Variants in TMEM131L observed in about 807,000 individuals in gnomAD.
TMEM131L encodes transmembrane protein 131-like.
In TMEM131L, 54 loss-of-function variants were observed where a neutral mutation model predicts 192.2. The observed-to-expected ratio is 0.28, with a 90% CI of 0.23 to 0.35. The LOEUF is 0.35. Among genes scored for constraint, TMEM131L ranks in the 10% least tolerant of loss-of-function variants. The pLI is 1.00. For missense variants in TMEM131L, 1,888 were observed against 1,972.9 expected (o/e 0.96, Z 0.82); for synonymous variants, 701 against 704.9 (o/e 0.99, Z 0.09).
Position 153,555,287 on chromosome 4 carries a change from A to G in TMEM131L, c.309-500A>G, listed in dbSNP as rs1737905135. 6.6e-6 allele frequency among the ~76,000 whole-genome samples: 1 copy of G among 152,238 alleles called. No individual in the cohort carries two copies. The highest frequency in any genetic ancestry group is 1.5e-5 in the Non-Finnish European group (1 of 68,042). Reference sequence around the variant, plus strand: ...AAAAAGTCTCTTTTACTCAGAAAACATAACCCTAAGAAAAATTGGGTTTTT... The same window carrying G: ...AAAAAGTCTCTTTTACTCAGAAAACGTAACCCTAAGAAAAATTGGGTTTTT... On this transcript the variant is annotated intron_variant, in intron 4 of 34. Transcript: ENST00000409959. The surrounding 1 kb of genome is among the most constrained non-coding windows in gnomAD (Gnocchi z 4.1).
chr4:153,572,326 T>G (rs1729642567), intron 7 of TMEM131L, among the ~76,000 whole-genome samples: 1 of 152,062 alleles, frequency 6.6e-6, no homozygotes, highest in African/African-American at 2.4e-5. Flanking sequence ...GGTTATTTCT[T>G]TTTTGTTTTG....
chr4:153,546,971 G>A (rs1199944591), intron 3 of TMEM131L, among the ~76,000 whole-genome samples: 1 of 152,128 alleles, frequency 6.6e-6, no homozygotes, highest in East Asian at 1.9e-4. Flanking sequence ...GCATGTGTAA[G>A]TACTCTCCAG....
intron 3 of TMEM131L, among the ~76,000 whole-genome samples, chr4:153,533,430 C>G (rs917882049): frequency 2.0e-5 from 3 of 152,192 alleles, no homozygotes; most frequent in African/African-American, 7.2e-5. Flanking sequence ...CTCAGTTTGC[C>G]TGTATTTTGT....
intron 3 of TMEM131L, among the ~76,000 whole-genome samples, chr4:153,509,135 A>G (rs1465324165): frequency 1.3e-5 from 2 of 151,914 alleles, no homozygotes; most frequent in African/African-American, 2.4e-5. Context: ...ACTTGAGGCC[A>G]GGAGCTCAAG....
chr4:153,583,720 T>C, intron 11 of TMEM131L, 48 bp downstream of exon 11: 1 of 1,063,500 alleles, frequency 9.4e-7, no homozygotes, highest in Non-Finnish European at 1.4e-6. Context: ...TATCTGGTTG[T>C]CATGATGGCA....
In TMEM131L at chr4:153,627,640, C is replaced by A; in HGVS notation, c.4160C>A (p.Ser1387Tyr). The A allele has an allele frequency of 1.2e-6, 2 of 1,614,124 alleles. No homozygotes were observed. Among genetic ancestry groups the A allele is most frequent in the Non-Finnish European group, 1.7e-6 (2 of 1,179,982 alleles). ...AGTCTCCCACAATACGCAGAGCCTT[C>A]CTGTCCCAGCCTTCCTGCCGGGCCC... Reference protein sequence around the residue: ...VNSLPQYAEPSCPSLPAGPTG... With the variant: ...VNSLPQYAEPYCPSLPAGPTG... The change falls in exon 31 of 35, where the codon TCC (serine) becomes TAC (tyrosine). Residue 1387 changes from serine (S) to tyrosine (Y), a missense_variant. By Grantham distance (144) the Ser-to-Tyr change is moderately radical. Transcript: ENST00000409959.
chr4:153,584,387 G>A (rs1730564644), intron 11 of TMEM131L, among the ~76,000 whole-genome samples: 1 of 151,498 alleles, frequency 6.6e-6, no homozygotes, highest in Non-Finnish European at 1.5e-5. Flanking sequence ...AAAAAAGTTG[G>A]TTATTAGCAT....
chr4:153,585,630 C>T lies in TMEM131L; in HGVS notation c.1311+19C>T. 6.4e-7 allele frequency: 1 copy of T among 1,556,488 alleles called. No individual in the cohort carries two copies. Among genetic ancestry groups the T allele is most frequent in the South Asian group, 1.2e-5 (1 of 81,604 alleles). ...GTTAAAGGTACATATAGTATTTTTT[C>T]CCCAAGTTTTAGCTTATTTTAAGCT... On this transcript the variant is annotated intron_variant, in intron 13 of 34. Coordinates refer to ENST00000409959, the MANE Select transcript of TMEM131L (RefSeq NM_001131007.2).
intron 3 of TMEM131L, among the ~76,000 whole-genome samples, chr4:153,547,556 C>T (rs1207356366): frequency 6.6e-6 from 1 of 152,204 alleles, no homozygotes. Flanking sequence ...TTTATCTCAT[C>T]CTATTATTTC....
At chr4:153,633,878 T>C (rs1403161949) in intron 32 of TMEM131L, among the ~76,000 whole-genome samples, 1 of 152,220 alleles carries the variant, frequency 6.6e-6, no homozygotes, top group Non-Finnish European at 1.5e-5. Flanking sequence ...CAAAGACACT[T>C]AAAGGTATTC....
At chr4:153,472,941 G>A (rs911985057) in intron 2 of TMEM131L, among the ~76,000 whole-genome samples, 24 of 152,252 alleles carry the variant, frequency 1.6e-4, no homozygotes, top group African/African-American at 5.8e-4. Context: ...GTCAGCTAAG[G>A]CTTAGGGACA....
At chr4:153,486,441 C>G (rs1732335241) in intron 3 of TMEM131L, among the ~76,000 whole-genome samples, 1 of 152,210 alleles carries the variant, frequency 6.6e-6, no homozygotes, top group African/African-American at 2.4e-5. Flanking sequence ...TAACAAAACC[C>G]TGACTCAACC....
intron 7 of TMEM131L, among the ~76,000 whole-genome samples, chr4:153,570,946 G>C (rs1729546960): frequency 6.6e-6 from 1 of 152,108 alleles, no homozygotes; most frequent in African/African-American, 2.4e-5. Context: ...GTTCCCCCAG[G>C]ACTTGCTTGT....
chr4:153,506,959 C>T (rs1489745994), intron 3 of TMEM131L, among the ~76,000 whole-genome samples: 1 of 152,084 alleles, frequency 6.6e-6, no homozygotes, highest in Non-Finnish European at 1.5e-5. Flanking sequence ...CCCCTGTAAC[C>T]ATAGCTGAAA....
At chr4:153,607,194 C>A (rs1182883473) in intron 25 of TMEM131L, among the ~76,000 whole-genome samples, 2 of 152,020 alleles carry the variant, frequency 1.3e-5, no homozygotes, top group Admixed American at 1.3e-4. Flanking sequence ...GAAAGCATTG[C>A]AATAACTTGG....
Position 153,621,825 on chromosome 4 carries a change from T to C in TMEM131L, c.3835T>C (p.Leu1279=). 6.2e-7 allele frequency: 1 copy of C among 1,614,128 alleles called. No homozygotes were observed. The highest frequency in any genetic ancestry group is 8.5e-7 in the Non-Finnish European group (1 of 1,179,986). The change falls in exon 28 of 35, where the codon TTA becomes CTA. Residue 1279 remains leucine (L), a synonymous_variant. Coordinates refer to ENST00000409959, the MANE Select transcript of TMEM131L (RefSeq NM_001131007.2). ...CKADAEIASS[L]PAAQREAEGY... ...AGCAGATGCCGAAATTGCAAGCAGT[T>C]TACCTGCTGCCCAGAGAGAGGCAGG...
At chr4:153,619,304 C>T (rs1733220817) in intron 26 of TMEM131L, among the ~76,000 whole-genome samples, 1 of 152,120 alleles carries the variant, frequency 6.6e-6, no homozygotes, top group Admixed American at 6.5e-5. Context: ...TGGGAAACCT[C>T]CCCACCAAGT....
At chr4:153,603,282 C>G (rs1026925101) in intron 23 of TMEM131L, 21 bp from the exon 24 acceptor site, 1 of 1,609,386 alleles carries the variant, frequency 6.2e-7, no homozygotes, top group Non-Finnish European at 8.5e-7. Context: ...CAATACTGAA[C>G]CTTGTTGCTT....
At chr4:153,628,311 A>G (rs1354812628) in intron 31 of TMEM131L, among the ~76,000 whole-genome samples, 1 of 152,152 alleles carries the variant, frequency 6.6e-6, no homozygotes, top group Non-Finnish European at 1.5e-5. Flanking sequence ...TGGGAGGTGA[A>G]TTCCAGTCCT....
Sources: allele counts gnomAD v4.1 joint callset (sites outside exome capture counted in the v4.1 genomes callset), GRCh38; gene constraint gnomAD v4.1.1; non-coding constraint Gnocchi (gnomAD v3.1); transcripts MANE v1.5; gene names NCBI Gene and HGNC (gene_info 2026-07-23, HGNC 2026-07-21).